BDNF: variants seen among roughly 807,000 people sequenced by gnomAD.
BDNF encodes the protein neurotrophic factor BDNF precursor form.
BDNF carries 1 observed loss-of-function variant against 19.5 expected under a neutral mutation model. The observed-to-expected ratio is 0.05, with a 90% CI of 0.02 to 0.24. The LOEUF (loss-of-function observed/expected upper bound fraction) is 0.24. Among genes scored for constraint, BDNF ranks in the 10% least tolerant of loss-of-function variants. The pLI is 1.00. For missense variants in BDNF, 195 were observed against 317.6 expected (o/e 0.61, Z 2.93); for synonymous variants, 100 against 121.6 (o/e 0.82, Z 1.17).
In BDNF at chr11:27,710,430, T is replaced by C. The variant is rs151106137; in HGVS notation, c.3+10982A>G. Among the ~76,000 whole-genome samples the C allele has an allele frequency of 2.0e-3, 311 of 152,270 alleles. 1 individual carries two copies. The highest frequency in any genetic ancestry group is 3.6e-3 in the Non-Finnish European group (246 of 68,016). On this transcript the variant is annotated intron_variant, in intron 1 of 1. Coordinates refer to the BDNF transcript ENST00000314915. ...TAGTTTCTAGAGCTAGTATCCAGAG[T>C]TCTGAGTTGGTGCAAAGACACAAAG...
chr11:27,656,681 C>T lies in BDNF; in HGVS notation c.*1140G>A. The T allele has an allele frequency of 1.0e-6, 1 of 985,566 alleles. No individual in the cohort carries two copies. The highest frequency in any genetic ancestry group is 4.7e-5 in the South Asian group (1 of 21,272). The allele number at this position is 985,566 out of a possible 1,614,324, so 61.1% of individuals were successfully genotyped here. A position where few individuals can be genotyped will look rare whatever the true frequency, so the allele number is the denominator to read the frequency against. On this transcript the variant is annotated 3_prime_UTR_variant, in exon 2 of 2. Coordinates refer to ENST00000356660, the MANE Select transcript of BDNF (RefSeq NM_001709.5). The stretch of plus-strand genomic sequence containing the variant: ...GTTTCTGGGTTGATACAGGGCTCTA[C>T]CTTTTGCTTACAAGACATTGTTAAG...
intron 1 of BDNF, among the ~76,000 whole-genome samples, chr11:27,684,375 A>G (rs1184433920): frequency 6.6e-6 from 1 of 152,152 alleles, no homozygotes; most frequent in Non-Finnish European, 1.5e-5. Flanking sequence ...CTCTCTTCCT[A>G]TTTGAATATG....
chr11:27,671,849 T>G (rs944372199), intron 1 of BDNF, among the ~76,000 whole-genome samples: 3 of 152,284 alleles, frequency 2.0e-5, no homozygotes, highest in South Asian at 4.1e-4. Context: ...TCAATAAGAT[T>G]TATTTAGTGC....
At chr11:27,666,711 T>C (rs1854406843) in intron 1 of BDNF, among the ~76,000 whole-genome samples, 1 of 151,868 alleles carries the variant, frequency 6.6e-6, no homozygotes, top group Non-Finnish European at 1.5e-5. Context: ...AGAAGAGAAG[T>C]TTAGAGAAAA....
At chr11:27,701,539 A>G (rs985458593), upstream of BDNF, 3 of 988,354 alleles carry the variant, frequency 3.0e-6, no homozygotes, top group Non-Finnish European at 3.6e-6. Context: ...GAGAAGCTCC[A>G]TTTGATCTCG....
At chr11:27,712,142 G>A (rs377212903) in intron 1 of BDNF, among the ~76,000 whole-genome samples, 5 of 152,256 alleles carry the variant, frequency 3.3e-5, no homozygotes, top group African/African-American at 1.2e-4. Flanking sequence ...TTGCCAGGAA[G>A]GAAACAACAA....
intron 1 of BDNF, among the ~76,000 whole-genome samples, chr11:27,681,329 A>G (rs765531638): frequency 1.3e-5 from 2 of 152,202 alleles, no homozygotes; most frequent in Non-Finnish European, 2.9e-5. Flanking sequence ...GACTGTCCTG[A>G]GTAGGACATT....
At chr11:27,715,959 A>G (rs1860492354) in intron 1 of BDNF, among the ~76,000 whole-genome samples, 1 of 152,238 alleles carries the variant, frequency 6.6e-6, no homozygotes, top group Non-Finnish European at 1.5e-5. Context: ...GGATTGTTTT[A>G]TAATGTTGGA....
chr11:27,702,564 C>G (rs571226496), upstream of BDNF, among the ~76,000 whole-genome samples: 3 of 152,184 alleles, frequency 2.0e-5, no homozygotes, highest in Non-Finnish European at 4.4e-5. Flanking sequence ...AAGACTCCAA[C>G]ATTAATTTTG....
At chr11:27,708,283 T>C (rs1860189566) in intron 1 of BDNF, among the ~76,000 whole-genome samples, 1 of 152,194 alleles carries the variant, frequency 6.6e-6, no homozygotes, top group Non-Finnish European at 1.5e-5. Context: ...TATAACCAGA[T>C]TGTGGATGTA....
At position 27,669,177 on chromosome 11, in the gene BDNF, T is replaced by G. The variant is rs187256768; in HGVS notation, c.-21-10592A>C. 6.6e-5 allele frequency among the ~76,000 whole-genome samples: 10 copies of G among 152,320 alleles called. No homozygotes were observed. In the East Asian group the frequency reaches 1.9e-3, roughly 29 times the overall value. On this transcript the variant is annotated intron_variant, in intron 1 of 1. Transcript: ENST00000356660. ...CAAAAACCATGATTATCTCAATAGA[T>G]GCAGAAAAGGCCTTTGACAAAATTC... is the stretch of plus-strand genomic sequence containing the variant.
At chr11:27,708,425 A>G (rs1860195713) in intron 1 of BDNF, among the ~76,000 whole-genome samples, 1 of 152,228 alleles carries the variant, frequency 6.6e-6, no homozygotes, top group Non-Finnish European at 1.5e-5. Context: ...AATCTACATG[A>G]TGCCAATTTA....
chr11:27,664,526 C>A (rs1853994924), intron 1 of BDNF, among the ~76,000 whole-genome samples: 1 of 152,094 alleles, frequency 6.6e-6, no homozygotes, highest in Non-Finnish European at 1.5e-5. Context: ...CATTTGTAAT[C>A]CCAACACTTT....
At chr11:27,700,528 C>G (rs1280667247), upstream of BDNF, 5 of 502,518 alleles carry the variant, frequency 9.9e-6, no homozygotes, top group African/African-American at 2.4e-5. Flanking sequence ...CCGCCCCCCC[C>G]CCCCCGCCCC....
chr11:27,677,541 A>C (rs1037794098), intron 1 of BDNF: 3 of 151,956 alleles, frequency 2.0e-5, no homozygotes, highest in African/African-American at 7.2e-5. Context: ...GTCTCAAAAA[A>C]AAAACAGGGT....
chr11:27,686,645 C>T (rs1159691747), intron 1 of BDNF, among the ~76,000 whole-genome samples: 1 of 152,146 alleles, frequency 6.6e-6, no homozygotes, highest in African/African-American at 2.4e-5. Flanking sequence ...TTTATTTCTA[C>T]TTCACTTCTG....
At chr11:27,664,514 C>T (rs1354628881) in intron 1 of BDNF, among the ~76,000 whole-genome samples, 3 of 152,070 alleles carry the variant, frequency 2.0e-5, no homozygotes, top group Non-Finnish European at 4.4e-5. Context: ...TGCAGTGGCT[C>T]ACATTTGTAA....
chr11:27,717,105 A>G (rs1440180448), intron 1 of BDNF, among the ~76,000 whole-genome samples: 1 of 152,212 alleles, frequency 6.6e-6, no homozygotes, highest in Non-Finnish European at 1.5e-5. Context: ...TTCTCTTCTT[A>G]TTAAGAATTT....
Sources: gnomAD v4.1 joint callset for allele counts (sites outside exome capture counted in the v4.1 genomes callset) on GRCh38, gnomAD v4.1.1 for gene constraint, MANE v1.5 for transcripts, NCBI Gene and HGNC (gene_info 2026-07-23, HGNC 2026-07-21) for gene names.